The following TPD52 variants were observed in gnomAD, a reference collection of about 807,000 sequenced individuals.
TPD52 encodes prostate and colon associated protein.
A neutral mutation model predicts 31.3 loss-of-function variants in TPD52; 17 were observed. The observed-to-expected ratio is 0.54, with a 90% CI of 0.37 to 0.82. TPD52 has a LOEUF of 0.82. TPD52 is among the 40% of genes least tolerant of loss of function. The pLI, the probability that TPD52 is intolerant of heterozygous loss-of-function variation, is 0.00. For missense variants in TPD52, 212 were observed against 240.1 expected (o/e 0.88, Z 0.77); for synonymous variants, 83 against 89.6 (o/e 0.93, Z 0.42).
At chr8:80,114,840 A>T (rs1025094900) in intron 1 of TPD52, among the ~76,000 whole-genome samples, 7 of 152,198 alleles carry the variant, frequency 4.6e-5, no homozygotes, top group Non-Finnish European at 8.8e-5. Context: ...TTTCAAACAC[A>T]TCCCTGAATT....
chr8:80,080,446 C>CA, intron 1 of TPD52: 1 of 1,614,088 alleles, frequency 6.2e-7, no homozygotes, highest in Non-Finnish European at 8.5e-7. Flanking sequence ...CATCTCTCTA[C>CA]AATCCATTCC....
In TPD52 at chr8:80,043,214, GC is replaced by G. The variant is rs1174284244; in HGVS notation, c.456-547del. Among the ~76,000 whole-genome samples, 8 of 152,094 alleles carry G rather than the reference GC, an allele frequency of 5.3e-5. No homozygotes were observed. In the East Asian group the frequency reaches 1.5e-3, roughly 29 times the overall value. On this transcript the variant is annotated intron_variant, in intron 6 of 7. Transcript: ENST00000518937. The stretch of plus-strand genomic sequence containing the variant: ...GGGGGAGAAGCATAGAAACGGCTTT[GC>G]CTACTTCACAACTCTGTCCCAAAGG...
chr8:80,086,880 A>AC (rs1815835542), intron 1 of TPD52, among the ~76,000 whole-genome samples: 2 of 25,752 alleles, frequency 7.8e-5, no homozygotes, highest in South Asian at 2.3e-3. Flanking sequence ...GTCTCAACAA[A>AC]AAAAAAAAAA....
chr8:80,077,500 C>A (rs1814721559), intron 1 of TPD52, among the ~76,000 whole-genome samples: 1 of 151,828 alleles, frequency 6.6e-6, no homozygotes, highest in Non-Finnish European at 1.5e-5. Flanking sequence ...AACACTTGAC[C>A]AAAGGAGAAC....
At chr8:80,042,569 T>C (rs1432941331) in intron 7 of TPD52, 51 bp downstream of exon 7, 10 of 1,567,748 alleles carry the variant, frequency 6.4e-6, no homozygotes, top group East Asian at 2.3e-5. Context: ...GCAAAGTTAA[T>C]TAAGACACCA....
chr8:80,063,195 T>G (rs915886827), intron 2 of TPD52, among the ~76,000 whole-genome samples: 1 of 152,196 alleles, frequency 6.6e-6, no homozygotes, highest in Non-Finnish European at 1.5e-5. Flanking sequence ...AATAGATACA[T>G]GTAATGGAAT....
intron 1 of TPD52, among the ~76,000 whole-genome samples, chr8:80,066,676 G>A (rs978547490): frequency 6.6e-6 from 1 of 152,120 alleles, no homozygotes; most frequent in African/African-American, 2.4e-5. Context: ...CCTGCTAGCT[G>A]GCATTGGCAC....
intron 5 of TPD52, among the ~76,000 whole-genome samples, chr8:80,047,557 T>C (rs1229976161): frequency 6.6e-6 from 1 of 152,180 alleles, no homozygotes; most frequent in Non-Finnish European, 1.5e-5. Context: ...GCCTGGCACA[T>C]AGTTAGCACT....
intron 1 of TPD52, among the ~76,000 whole-genome samples, chr8:80,136,148 TAATTA>T (rs1381502752): frequency 9.0e-6 from 1 of 111,568 alleles, no homozygotes; most frequent in Non-Finnish European, 1.9e-5. Context: ...ATAAATTAAT[TAATTA>T]AAAAAAAAAA....
intron 1 of TPD52, 39 bp downstream of exon 1, chr8:80,171,385 TC>T: frequency 9.3e-7 from 1 of 1,077,798 alleles, no homozygotes; most frequent in East Asian, 3.4e-5. Flanking sequence ...CAAGCCCGAG[TC>T]CAAGCCCGAG....
chr8:80,110,978 G>A (rs1257823707), intron 1 of TPD52, among the ~76,000 whole-genome samples: 1 of 152,160 alleles, frequency 6.6e-6, no homozygotes, highest in Non-Finnish European at 1.5e-5. Flanking sequence ...GGGTGAGGTG[G>A]AAGGATCACT....
At chr8:80,046,809 T>C (rs1354189242) in intron 5 of TPD52, among the ~76,000 whole-genome samples, 2 of 152,198 alleles carry the variant, frequency 1.3e-5, no homozygotes, top group African/African-American at 4.8e-5. Flanking sequence ...TTACTCTTAC[T>C]TTGAAAAAGT....
chr8:80,157,073 G>A (rs190198763), intron 1 of TPD52, among the ~76,000 whole-genome samples: 1 of 152,246 alleles, frequency 6.6e-6, no homozygotes, highest in East Asian at 1.9e-4. Flanking sequence ...CTTTGGATTG[G>A]AGGGAATTCA....
At chr8:80,083,340 G>T (rs560420456) in intron 1 of TPD52, among the ~76,000 whole-genome samples, 4 of 152,268 alleles carry the variant, frequency 2.6e-5, no homozygotes, top group African/African-American at 9.6e-5. Flanking sequence ...TCCCAGCAAG[G>T]AGGAGAAAGC....
chr8:80,112,224 C>G (rs937012178), intron 1 of TPD52, among the ~76,000 whole-genome samples: 2 of 152,210 alleles, frequency 1.3e-5, no homozygotes, highest in African/African-American at 4.8e-5. Context: ...AGTGCTCTAG[C>G]ACTTCACATA....
intron 1 of TPD52, among the ~76,000 whole-genome samples, chr8:80,084,675 G>A (rs1246815321): frequency 6.6e-6 from 1 of 152,200 alleles, no homozygotes; most frequent in Non-Finnish European, 1.5e-5. Flanking sequence ...AGTAGAAAGA[G>A]TCCTAACATA....
chr8:80,169,088 G>A (rs1432072763), intron 1 of TPD52, among the ~76,000 whole-genome samples: 1 of 152,148 alleles, frequency 6.6e-6, no homozygotes, highest in Non-Finnish European at 1.5e-5. Context: ...AGTTTCTAGT[G>A]ATTCTCCTGC....
intron 1 of TPD52, among the ~76,000 whole-genome samples, chr8:80,168,224 G>A (rs1406650854): frequency 2.0e-5 from 3 of 152,186 alleles, no homozygotes; most frequent in African/African-American, 7.2e-5. Flanking sequence ...TAGAATACTC[G>A]TGGTTGAAAA....
At chr8:80,136,301 G>T (rs1156397103) in intron 1 of TPD52, among the ~76,000 whole-genome samples, 1 of 151,120 alleles carries the variant, frequency 6.6e-6, no homozygotes, top group Non-Finnish European at 1.5e-5. Context: ...GAGACGGGTG[G>T]ATCATAAGGT....
Sources: gnomAD v4.1 joint callset for allele counts (sites outside exome capture counted in the v4.1 genomes callset) on GRCh38, gnomAD v4.1.1 for gene constraint, MANE v1.5 for transcripts, NCBI Gene and HGNC (gene_info 2026-07-23, HGNC 2026-07-21) for gene names.